The following PHC3 variants were observed in gnomAD, a reference collection of about 807,000 sequenced individuals.
The protein encoded by PHC3 is polyhomeotic homolog 3.
In PHC3, 13 loss-of-function variants were observed where a neutral mutation model predicts 107.4. The ratio of observed to expected loss-of-function variants is 0.12; its 90% CI spans 0.08 to 0.19. The LOEUF is 0.19. Among genes scored for constraint, PHC3 ranks in the 10% least tolerant of loss-of-function variants. PHC3 has a pLI of 1.00. For missense variants in PHC3, 992 were observed against 1,210.9 expected (o/e 0.82, Z 2.68); for synonymous variants, 456 against 427.4 (o/e 1.07, Z -0.83).
chr3:170,090,404 A>C lies in PHC3; in HGVS notation c.*6826T>G, dbSNP rs560306520. On this transcript the variant is annotated 3_prime_UTR_variant, in exon 15 of 15. Transcript: ENST00000495893. ...ATGTCATGTTCACCAAACACTGCAC[A>C]TGTAAGTGTTCAAATAGTTTGCTAA... 6.6e-6 allele frequency: 1 copy of C among 152,322 alleles called. No homozygotes were observed. Among genetic ancestry groups the C allele is most frequent in the South Asian group, 2.1e-4 (1 of 4,832 alleles). 9.4% of individuals were successfully genotyped at this position (152,322 alleles called of 1,614,324 possible).
At chr3:170,137,529 A>G (rs1380148614) in intron 6 of PHC3, among the ~76,000 whole-genome samples, 1 of 152,220 alleles carries the variant, frequency 6.6e-6, no homozygotes, top group Non-Finnish European at 1.5e-5. Flanking sequence ...AACTGAAATA[A>G]AAGAGACTCC....
chr3:170,165,560 C>T (rs1728583404), intron 4 of PHC3, among the ~76,000 whole-genome samples: 1 of 151,738 alleles, frequency 6.6e-6, no homozygotes, highest in East Asian at 1.9e-4. Flanking sequence ...CAAGACTGGC[C>T]TGGCCAAAAT....
intron 8 of PHC3, among the ~76,000 whole-genome samples, chr3:170,125,771 A>G (rs1054141938): frequency 6.6e-6 from 1 of 152,236 alleles, no homozygotes; most frequent in Non-Finnish European, 1.5e-5. Flanking sequence ...AGAAGTAGGC[A>G]AAAACAAATC....
Position 170,128,892 on chromosome 3 carries a change from G to C in PHC3, c.1580C>G (p.Pro527Arg). The change falls in exon 8 of 15, where the codon CCA (proline) becomes CGA (arginine). Residue 527 changes from proline (P) to arginine (R), a missense_variant. Physicochemically the swap from Pro to Arg is moderately radical, Grantham distance 103. Around this residue, in one of 6 missense-constraint regions of PHC3, gnomAD observed 543 missense variants for 590.8 expected, o/e 0.92. Coordinates refer to ENST00000495893, the MANE Select transcript of PHC3 (RefSeq NM_024947.4). ...MSTSPPAQIP[P>R]LPLQSMQSLQ... ...AGACTGCATAGACTGCAAGGGCAGT[G>C]GTGGAATCTGAGCTGGAGGAGATGT... The C allele has an allele frequency of 6.2e-7, 1 of 1,614,014 alleles. No homozygotes were observed. The highest frequency in any genetic ancestry group is 8.5e-7 in the Non-Finnish European group (1 of 1,179,894).
chr3:170,107,444 T>C (rs1367940961), intron 11 of PHC3, among the ~76,000 whole-genome samples: 1 of 152,068 alleles, frequency 6.6e-6, no homozygotes, highest in Non-Finnish European at 1.5e-5. Flanking sequence ...GCATGCAAAA[T>C]AATTAACTCT....
rs1238371301 is a variant in PHC3, at chr3:170,178,882, A to G, written c.71T>C (p.Val24Ala). ...DTEPNPGTSS[V>A]STTTSSTTTT... ...GGTGGTACTGCTGGTTGTTGTTGAC[A>G]CAGAAGATGTTCCCGGGTTTGGTTC... Residue 24 changes from valine (V) to alanine (A), a missense_variant, in exon 2 of 15, where the codon GTG becomes GCG. By Grantham distance (64) the Val-to-Ala change is moderately conservative (BLOSUM62 0). Around this residue, in one of 6 missense-constraint regions of PHC3, gnomAD observed 161 missense variants for 183.7 expected, o/e 0.88. Coordinates refer to ENST00000495893, the MANE Select transcript of PHC3 (RefSeq NM_024947.4). 9.3e-6 allele frequency: 15 copies of G among 1,613,830 alleles called. No homozygotes were observed. Among genetic ancestry groups the G allele is most frequent in the Non-Finnish European group, 1.3e-5 (15 of 1,179,858 alleles).
intron 14 of PHC3, among the ~76,000 whole-genome samples, chr3:170,098,128 T>TAA (rs1714882831): frequency 6.6e-6 from 1 of 152,144 alleles, no homozygotes; most frequent in African/African-American, 2.4e-5. Flanking sequence ...ACCAGGTGCT[T>TAA]TAGCAGGTAA....
rs777126276 is a variant in PHC3 at position 170,117,444 on chromosome 3, T to C, written c.1975A>G (p.Ser659Gly). The change falls in exon 10 of 15, where the codon AGT becomes GGT. Residue 659 changes from serine to glycine, a missense_variant. Ser to Gly is a moderately conservative substitution (Grantham distance 56). Transcript: ENST00000495893. ...QVELPAVASV[S>G]ASVIKSPSDP... ...GATGGAGATTTAATTACTGAAGCAC[T>C]GACTGATGCCACAGCAGGTAATTCC... The C allele has an allele frequency of 2.5e-6, 4 of 1,613,482 alleles. No homozygotes were observed. The highest frequency in any genetic ancestry group is 2.5e-6 in the Non-Finnish European group (3 of 1,179,608).
intron 5 of PHC3, chr3:170,147,698 T>C (rs1370349944): frequency 2.0e-5 from 3 of 152,164 alleles, no homozygotes; most frequent in African/African-American, 7.2e-5. Flanking sequence ...CATCCTCAGA[T>C]TTGGGTATTC....
chr3:170,134,015 A>T (rs781342851), intron 7 of PHC3, among the ~76,000 whole-genome samples: 1 of 152,102 alleles, frequency 6.6e-6, no homozygotes, highest in Non-Finnish European at 1.5e-5. Flanking sequence ...CATCCTAAGG[A>T]CCATGGGTCA....
At chr3:170,155,521 G>A (rs901934997) in intron 4 of PHC3, among the ~76,000 whole-genome samples, 1 of 152,118 alleles carries the variant, frequency 6.6e-6, no homozygotes, top group African/African-American at 2.4e-5. Context: ...AGGAGTTCGA[G>A]ACCAGCCTGG....
chr3:170,111,492 A>G (rs979855980), intron 11 of PHC3, among the ~76,000 whole-genome samples: 2 of 152,160 alleles, frequency 1.3e-5, no homozygotes, highest in African/African-American at 4.8e-5. Context: ...GGTGGGGGTT[A>G]GGAATGGAGG....
chr3:170,092,307 ATTTCT>A lies in PHC3; in HGVS notation c.*4918_*4922del, dbSNP rs1346567559. On this transcript the variant is annotated 3_prime_UTR_variant, in exon 15 of 15. Coordinates refer to ENST00000495893, the MANE Select transcript of PHC3 (RefSeq NM_024947.4). ...GAGCCACCATGCCCAGCCCCAAATA[ATTTCT>A]TTTAAGATATACAGCTTAACAAGTT... The A allele has an allele frequency of 6.6e-6, 1 of 152,050 alleles. No individual in the cohort carries two copies. Among genetic ancestry groups the A allele is most frequent in the African/African-American group, 2.4e-5 (1 of 41,414 alleles). The allele number at this position is 152,050 out of a possible 1,614,324, so 9.4% of individuals were successfully genotyped here.
At chr3:170,148,857 A>T in intron 5 of PHC3, 1 of 430,148 alleles carries the variant, frequency 2.3e-6, no homozygotes. Context: ...CTGAATCTCT[A>T]TTAGCTTCTC....
chr3:170,096,423 A>T lies in PHC3; in HGVS notation c.*807T>A, dbSNP rs753208719. 4 of 152,104 alleles carry T rather than the reference A, an allele frequency of 2.6e-5. No homozygotes were observed. The highest frequency in any genetic ancestry group is 4.4e-5 in the Non-Finnish European group (3 of 68,030). The allele number at this position is 152,104 out of a possible 1,614,324, so 9.4% of individuals were successfully genotyped here. ...GTGGAGGGGTGCTGTCCTGTGCATTATAAGATGTTTAGAAACATCTCTGGC... is the reference window on the plus strand; with the variant it reads ...GTGGAGGGGTGCTGTCCTGTGCATTTTAAGATGTTTAGAAACATCTCTGGC... On this transcript the variant is annotated 3_prime_UTR_variant, in exon 15 of 15. Transcript: ENST00000495893.
At chr3:170,130,559 C>T (rs1722082650) in intron 7 of PHC3, among the ~76,000 whole-genome samples, 1 of 152,050 alleles carries the variant, frequency 6.6e-6, no homozygotes, top group Admixed American at 6.6e-5. Flanking sequence ...GTTTTGCTTG[C>T]AGAGAATGAG....
chr3:170,128,822 C>T lies in PHC3; in HGVS notation c.1650G>A (p.Val550=). The part of the protein sequence containing the change: ...PEILSQGQVL[V]QNALVSEEEL... ...CCTCTTCTGACACCAAAGCATTCTG[C>T]ACCAAAACCTGGCCCTGGGACAGAA... The change falls in exon 8 of 15, where the codon GTG becomes GTA. Residue 550 remains valine (V), a synonymous_variant. Coordinates refer to ENST00000495893, the MANE Select transcript of PHC3 (RefSeq NM_024947.4). 1.2e-6 allele frequency: 2 copies of T among 1,614,002 alleles called. No individual in the cohort carries two copies. Among genetic ancestry groups the T allele is most frequent in the South Asian group, 1.1e-5 (1 of 91,086 alleles).
intron 12 of PHC3, among the ~76,000 whole-genome samples, chr3:170,105,906 ATT>A (rs1339036170): frequency 2.0e-5 from 3 of 152,166 alleles, no homozygotes; most frequent in Non-Finnish European, 4.4e-5. Context: ...CTAAACATTT[ATT>A]TTGTTATTAA....
intron 6 of PHC3, among the ~76,000 whole-genome samples, chr3:170,143,360 C>A (rs1724409830): frequency 6.6e-6 from 1 of 151,886 alleles, no homozygotes; most frequent in African/African-American, 2.4e-5. Flanking sequence ...GTAGAGAATG[C>A]CAGGGCAAGT....
Sources: gnomAD v4.1 joint callset for allele counts (sites outside exome capture counted in the v4.1 genomes callset) on GRCh38, gnomAD v4.1.1 for gene constraint, gnomAD v4.1.1 regional missense constraint, MANE v1.5 for transcripts, NCBI Gene and HGNC (gene_info 2026-07-23, HGNC 2026-07-21) for gene names.